Variants in SLC22A14 observed in about 807,000 individuals in gnomAD.
SLC22A14 encodes organic cation transporter-like 4.
A neutral mutation model predicts 53.9 loss-of-function variants in SLC22A14; 50 were observed. The ratio of observed to expected loss-of-function variants is 0.93; its 90% CI spans 0.74 to 1.17. The LOEUF (loss-of-function observed/expected upper bound fraction) is 1.17. Among genes scored for constraint, SLC22A14 ranks in the 50% most tolerant of loss-of-function variants. The pLI is 0.00. For synonymous variants in SLC22A14, 312 were observed against 303.0 expected, an observed-to-expected ratio of 1.03 and a Z score of -0.31; for missense variants, 671 against 734.7, an observed-to-expected ratio of 0.91 and a Z score of 1.00.
intron 7 of SLC22A14, 55 bp downstream of exon 7, chr3:38,313,540 C>A: frequency 7.6e-7 from 1 of 1,309,790 alleles, no homozygotes; most frequent in Non-Finnish European, 1.1e-6. Context: ...AGGCTGGAAA[C>A]TCTAGGGAGA....
rs1431302310 is a variant in SLC22A14 at position 38,309,108 on chromosome 3, C to T, written c.930C>T (p.Phe310=). 6.2e-7 allele frequency: 1 copy of T among 1,614,000 alleles called. No homozygotes were observed. The highest frequency in any genetic ancestry group is 8.5e-7 in the Non-Finnish European group (1 of 1,179,866). The change falls in exon 5 of 11, where the codon TTC becomes TTT. Residue 310 remains phenylalanine, a synonymous_variant. Transcript: ENST00000448498. ...TGGGTGGGATACTTGTGATCCCCTT[C>T]ATCTCCTATATCTGGTGAGCAAGCG... ...FLVGGILVIP[F]ISYIWILPES... is the part of the protein sequence containing the mutation.
intron 1 of SLC22A14, among the ~76,000 whole-genome samples, chr3:38,285,546 G>A (rs771255265): frequency 2.0e-5 from 3 of 152,156 alleles, no homozygotes; most frequent in Non-Finnish European, 2.9e-5. Flanking sequence ...TATAAAAAGA[G>A]CATCAGTTTT....
At position 38,306,289 on chromosome 3, in the gene SLC22A14, A is replaced by G. The variant is rs1704300793; in HGVS notation, c.263A>G (p.His88Arg). ...TCGGCCTTCTTCATGTTTGCTGACC[A>G]CTTCGTGTTCACAGCCCAGAAGCCC... ...IMSAFFMFAD[H>R]FVFTAQKPYC... Residue 88 changes from histidine (H) to arginine (R), a missense_variant, in exon 2 of 11, where the codon CAC becomes CGC. Coordinates refer to ENST00000448498, the MANE Select transcript of SLC22A14 (RefSeq NM_001320033.2). 5 of 1,614,080 alleles carry G rather than the reference A, an allele frequency of 3.1e-6. No individual in the cohort carries two copies. The highest frequency in any genetic ancestry group is 1.1e-5 in the South Asian group (1 of 91,074).
intron 10 of SLC22A14, 135 bp downstream of exon 10, chr3:38,316,659 A>G (rs945194578): frequency 2.6e-6 from 2 of 764,946 alleles, no homozygotes; most frequent in African/African-American, 1.7e-5. Flanking sequence ...CCATGTCCGC[A>G]GCAGTCTCTC....
intron 4 of SLC22A14, 70 bp from the exon 5 acceptor site, chr3:38,308,884 A>G: frequency 1.4e-6 from 2 of 1,434,120 alleles, no homozygotes; most frequent in South Asian, 2.5e-5. Flanking sequence ...ACACCCAGCA[A>G]GGCTGGATGC....
intron 1 of SLC22A14, among the ~76,000 whole-genome samples, chr3:38,283,685 C>T (rs772476206): frequency 5.3e-5 from 8 of 152,094 alleles, no homozygotes; most frequent in Non-Finnish European, 1.2e-4. Context: ...CAAAAATTAG[C>T]CAGGCGTGGT....
chr3:38,314,693 G>A (rs1166173844), intron 8 of SLC22A14, among the ~76,000 whole-genome samples: 2 of 152,224 alleles, frequency 1.3e-5, no homozygotes, highest in African/African-American at 2.4e-5. Flanking sequence ...TCCAGGGCTG[G>A]AATTGTGTGT....
chr3:38,306,659 T>C lies in SLC22A14; in HGVS notation c.516+117T>C, dbSNP rs1704315075. The C allele has an allele frequency of 1.9e-5, 19 of 1,012,794 alleles. No homozygotes were observed. In the South Asian group the frequency reaches 2.8e-4, roughly 15 times the overall value. 62.7% of individuals were successfully genotyped at this position (1,012,794 alleles called of 1,614,324 possible). A position where few individuals can be genotyped will look rare whatever the true frequency, so the allele number is the denominator to read the frequency against. ...GAGATGGGAAGCCATTGGCCTGAGGTCAACCTGCAGAGGCAGGGTCTGGGC... is the reference window on the plus strand; with the variant it reads ...GAGATGGGAAGCCATTGGCCTGAGGCCAACCTGCAGAGGCAGGGTCTGGGC... On this transcript the variant is annotated intron_variant, in intron 2 of 10. Coordinates refer to ENST00000448498, the MANE Select transcript of SLC22A14 (RefSeq NM_001320033.2).
At position 38,315,656 on chromosome 3, in the gene SLC22A14, GC is replaced by G. The variant is rs1488284181; in HGVS notation, c.1479del (p.Thr494LeufsTer37). Reference sequence around the variant, plus strand: ...CATGCTCAGAGAGTTCAGCCTGGCCGCCACTGTCACTGTGTTCTTCCTCTAC... The same window carrying G: ...CATGCTCAGAGAGTTCAGCCTGGCCGCACTGTCACTGTGTTCTTCCTCTAC... ...VLMLREFSLAATVTVFFLYTA... is the reference protein window; with the variant it reads ...VLMLREFSLAXTVTVFFLYTA... On this transcript the variant is annotated frameshift_variant, in exon 9 of 11. Transcript: ENST00000448498. LOFTEE classifies it high-confidence loss of function. 4 of 1,614,022 alleles carry G rather than the reference GC, an allele frequency of 2.5e-6. No homozygotes were observed. Among genetic ancestry groups the G allele is most frequent in the South Asian group, 1.1e-5 (1 of 91,078 alleles).
rs1291423238 is a variant in SLC22A14, at chr3:38,315,616, G to T, written c.1437G>T (p.Met479Ile). The T allele has an allele frequency of 5.6e-6, 9 of 1,614,182 alleles. No homozygotes were observed. Among genetic ancestry groups the T allele is most frequent in the Non-Finnish European group, 7.6e-6 (9 of 1,180,024 alleles). Residue 479 changes from methionine (M) to isoleucine (I), a missense_variant, in exon 9 of 11, where the codon ATG becomes ATT. Met to Ile is a conservative substitution (Grantham distance 10, BLOSUM62 1). Transcript: ENST00000448498. The part of the protein sequence containing the change: ...PRCPATELKS[M>I]TILVLMLREF... Reference sequence around the variant, plus strand: ...GTCCGGCCACAGAGCTGAAATCCATGACGATCTTGGTGCTCATGCTCAGAG... The same window carrying T: ...GTCCGGCCACAGAGCTGAAATCCATTACGATCTTGGTGCTCATGCTCAGAG...
chr3:38,313,278 C>T, intron 6 of SLC22A14, 110 bp from the exon 7 acceptor site: 3 of 1,402,794 alleles, frequency 2.1e-6, no homozygotes, highest in Non-Finnish European at 3.0e-6. Context: ...CAGGGAAGGC[C>T]AGAAGCCAGC....
intron 1 of SLC22A14, among the ~76,000 whole-genome samples, chr3:38,300,730 A>G (rs1704140670): frequency 6.6e-6 from 1 of 152,208 alleles, no homozygotes; most frequent in Non-Finnish European, 1.5e-5. Context: ...AACTGTAATT[A>G]CTGAAACTGC....
intron 1 of SLC22A14, among the ~76,000 whole-genome samples, chr3:38,293,083 T>C (rs1703948084): frequency 6.6e-6 from 1 of 152,170 alleles, no homozygotes; most frequent in Non-Finnish European, 1.5e-5. Flanking sequence ...CATGGGCTGG[T>C]GCTTGCTCCG....
chr3:38,294,369 G>C (rs951237368), intron 1 of SLC22A14, among the ~76,000 whole-genome samples: 2 of 152,172 alleles, frequency 1.3e-5, no homozygotes, highest in African/African-American at 4.8e-5. Flanking sequence ...AGGTCTAGCT[G>C]TAAGATGGTG....
At chr3:38,305,924 C>T in intron 1 of SLC22A14, 103 bp from the exon 2 acceptor site, 2 of 1,191,462 alleles carry the variant, frequency 1.7e-6, no homozygotes, top group Non-Finnish European at 2.4e-6. Context: ...ATCCATATTG[C>T]TTCAAGCCAG....
chr3:38,298,417 C>A (rs570062520), intron 1 of SLC22A14, among the ~76,000 whole-genome samples: 1 of 143,480 alleles, frequency 7.0e-6, no homozygotes, highest in South Asian at 2.3e-4. Flanking sequence ...AATAGACTTG[C>A]ACACACATCT....
intron 1 of SLC22A14, among the ~76,000 whole-genome samples, chr3:38,286,515 G>A (rs1255727228): frequency 6.6e-6 from 1 of 151,224 alleles, no homozygotes; most frequent in African/African-American, 2.4e-5. Context: ...CCTTCAAGCA[G>A]TTCTCCTGCC....
chr3:38,283,572 G>A (rs1466984781), intron 1 of SLC22A14, among the ~76,000 whole-genome samples: 1 of 152,234 alleles, frequency 6.6e-6, no homozygotes, highest in African/African-American at 2.4e-5. Flanking sequence ...GCTCACGCCT[G>A]TAATCCCAGC....
At chr3:38,286,182 C>T (rs1703787293) in intron 1 of SLC22A14, among the ~76,000 whole-genome samples, 1 of 152,214 alleles carries the variant, frequency 6.6e-6, no homozygotes, top group South Asian at 2.1e-4. Flanking sequence ...GTGAAGGTTG[C>T]GGTGAGCTGA....
Sources: gnomAD v4.1 joint callset for allele counts (sites outside exome capture counted in the v4.1 genomes callset) on GRCh38, gnomAD v4.1.1 for gene constraint, MANE v1.5 for transcripts, NCBI Gene and HGNC (gene_info 2026-07-23, HGNC 2026-07-21) for gene names.